Variants in MSH3 observed in about 807,000 individuals in gnomAD.
The protein encoded by MSH3 is DNA mismatch repair protein Msh3.
MSH3 carries 106 observed loss-of-function variants against 123.3 expected under a neutral mutation model. The ratio of observed to expected loss-of-function variants is 0.86; its 90% CI spans 0.73 to 1.01. The LOEUF is 1.01. Ranked by LOEUF, MSH3 falls within the 50% of genes least tolerant of loss-of-function variation. The pLI, the probability that MSH3 is intolerant of heterozygous loss-of-function variation, is 0.00. For missense variants in MSH3, 1,459 were observed against 1,347.6 expected (o/e 1.08, Z -1.29); for synonymous variants, 515 against 481.4 (o/e 1.07, Z -0.91).
intron 12 of MSH3, among the ~76,000 whole-genome samples, chr5:80,755,281 G>A (rs1051990066): frequency 1.3e-5 from 2 of 151,814 alleles, no homozygotes; most frequent in African/African-American, 4.9e-5. Context: ...GGAACTTTTA[G>A]CTGGCCTCTG....
At chr5:80,815,579 T>C (rs1242440144) in intron 20 of MSH3, among the ~76,000 whole-genome samples, 1 of 152,158 alleles carries the variant, frequency 6.6e-6, no homozygotes, top group South Asian at 2.1e-4. Flanking sequence ...CACTGGCCTT[T>C]CCCTCAGAGT....
At chr5:80,860,585 AT>A (rs925270896) in intron 21 of MSH3, among the ~76,000 whole-genome samples, 27 of 142,224 alleles carry the variant, frequency 1.9e-4, no homozygotes, top group Non-Finnish European at 3.1e-4. Flanking sequence ...TTACTTCAGT[AT>A]TTTTTTTTTC....
chr5:80,690,997 C>T (rs1238216518), intron 8 of MSH3, among the ~76,000 whole-genome samples: 1 of 151,788 alleles, frequency 6.6e-6, no homozygotes, highest in Non-Finnish European at 1.5e-5. Context: ...AATAATTAAA[C>T]TCATAATTTA....
chr5:80,842,983 G>A (rs1019361945), intron 20 of MSH3, among the ~76,000 whole-genome samples: 5 of 151,986 alleles, frequency 3.3e-5, no homozygotes, highest in Admixed American at 3.3e-4. Flanking sequence ...GTCATGTGCC[G>A]GTTTTCAAAA....
At chr5:80,822,461 A>C (rs543938738) in intron 20 of MSH3, among the ~76,000 whole-genome samples, 9 of 152,324 alleles carry the variant, frequency 5.9e-5, no homozygotes, top group African/African-American at 2.2e-4. Flanking sequence ...CTATGCCATT[A>C]GTATTTTAGA....
rs1157450310 is a variant in MSH3, at chr5:80,729,435, T to G, written c.1568+470T>G. On this transcript the variant is annotated intron_variant, in intron 10 of 23. Transcript: ENST00000265081. Reference sequence around the variant, plus strand: ...TCCCAAAAAAAAAAAAAAAAATGTGTGTGTGTGTGTGTGTGTGTGTGTGTG... The same window carrying G: ...TCCCAAAAAAAAAAAAAAAAATGTGGGTGTGTGTGTGTGTGTGTGTGTGTG... Among the ~76,000 whole-genome samples, 13 of 100,702 alleles carry G rather than the reference T, an allele frequency of 1.3e-4. 1 individual carries two copies. Among genetic ancestry groups the G allele is most frequent in the South Asian group, 8.0e-4 (2 of 2,488 alleles). The allele number at this position is 100,702 out of a possible 152,430, so 66.1% of individuals were successfully genotyped here.
chr5:80,770,762 T>C (rs1744201569), intron 15 of MSH3, among the ~76,000 whole-genome samples: 2 of 152,194 alleles, frequency 1.3e-5, no homozygotes. Flanking sequence ...CTAGATATTT[T>C]AGAGCTCATA....
At chr5:80,698,464 C>T (rs1432258213) in intron 8 of MSH3, among the ~76,000 whole-genome samples, 4 of 152,124 alleles carry the variant, frequency 2.6e-5, no homozygotes, top group African/African-American at 9.7e-5. Context: ...CTTAGAGTTA[C>T]TGGCAGCCCT....
intron 18 of MSH3, among the ~76,000 whole-genome samples, chr5:80,789,485 C>T (rs536730675): frequency 1.3e-5 from 2 of 152,140 alleles, no homozygotes; most frequent in Admixed American, 6.5e-5. Flanking sequence ...ATTCTCCTGC[C>T]TCAGCCCCCT....
chr5:80,846,088 G>T (rs1408358704), intron 20 of MSH3, among the ~76,000 whole-genome samples: 1 of 152,084 alleles, frequency 6.6e-6, no homozygotes, highest in Non-Finnish European at 1.5e-5. Flanking sequence ...GTGGCATTTT[G>T]GTGTGGATGT....
intron 22 of MSH3, among the ~76,000 whole-genome samples, chr5:80,866,426 A>G (rs1023706853): frequency 4.6e-5 from 7 of 152,202 alleles, no homozygotes; most frequent in African/African-American, 1.7e-4. Flanking sequence ...GGGATGAGCT[A>G]CCTTGCCTAG....
chr5:80,662,016 A>G (rs7712332), intron 2 of MSH3, among the ~76,000 whole-genome samples: 51,428 of 152,024 alleles, frequency 0.34, 8,760 homozygotes, highest in Non-Finnish European at 0.36. Context: ...CATTAGTAAC[A>G]TTAAGAATGT....
intron 15 of MSH3, among the ~76,000 whole-genome samples, chr5:80,773,927 C>T (rs917986785): frequency 6.6e-6 from 1 of 152,108 alleles, no homozygotes; most frequent in Non-Finnish European, 1.5e-5. Context: ...GCCACCACGC[C>T]TGGCTAATTT....
chr5:80,775,349 T>C (rs148150560), intron 15 of MSH3, among the ~76,000 whole-genome samples: 1 of 152,260 alleles, frequency 6.6e-6, no homozygotes, highest in African/African-American at 2.4e-5. Context: ...ACTTAGAAAT[T>C]CAATCTTTTA....
intron 17 of MSH3, among the ~76,000 whole-genome samples, chr5:80,783,587 C>T (rs1008133290): frequency 2.0e-5 from 3 of 151,944 alleles, no homozygotes; most frequent in Admixed American, 6.6e-5. Flanking sequence ...GAAATGGGAC[C>T]CACTAAGAGC....
intron 22 of MSH3, among the ~76,000 whole-genome samples, chr5:80,870,174 C>CAAAAA (rs745491509): frequency 1.2e-4 from 13 of 105,710 alleles, no homozygotes; most frequent in East Asian, 1.1e-3. Flanking sequence ...AACTCCGTCT[C>CAAAAA]AAAAAAAAAA....
chr5:80,701,552 C>A (rs1194901137), intron 8 of MSH3, among the ~76,000 whole-genome samples: 1 of 152,200 alleles, frequency 6.6e-6, no homozygotes, highest in Non-Finnish European at 1.5e-5. Context: ...TCCTCAGGAT[C>A]TCTTTATTTT....
chr5:80,719,371 TC>T (rs1751030494), intron 8 of MSH3, among the ~76,000 whole-genome samples: 1 of 152,152 alleles, frequency 6.6e-6, no homozygotes, highest in Non-Finnish European at 1.5e-5. Context: ...TAAACCACAT[TC>T]TGTGCAACTA....
rs749929790 is a variant in MSH3 at position 80,670,310 on chromosome 5, G to A, written c.792+1G>A. Reference sequence around the variant, plus strand: ...TAGATTCTTTGGGGAAGATGCAGAGGTAAGTCGTCTTTTCAGGCACTATTT... The same window carrying A: ...TAGATTCTTTGGGGAAGATGCAGAGATAAGTCGTCTTTTCAGGCACTATTT... On this transcript the variant is annotated splice_donor_variant, in intron 4 of 23. Transcript: ENST00000265081. LOFTEE classifies it high-confidence loss of function. The A allele has an allele frequency of 1.2e-6, 2 of 1,613,654 alleles. No homozygotes were observed. The highest frequency in any genetic ancestry group is 1.3e-5 in the African/African-American group (1 of 74,898).
Sources: allele counts gnomAD v4.1 joint callset (sites outside exome capture counted in the v4.1 genomes callset), GRCh38; gene constraint gnomAD v4.1.1; transcripts MANE v1.5; gene names NCBI Gene and HGNC (gene_info 2026-07-23, HGNC 2026-07-21).